HACL1: variants seen among roughly 807,000 people sequenced by gnomAD.
HACL1 encodes the protein 1600020H07Rik.
A neutral mutation model predicts 74.2 loss-of-function variants in HACL1; 64 were observed. That is an observed-to-expected ratio of 0.86 (90% CI 0.70 to 1.06). The LOEUF (loss-of-function observed/expected upper bound fraction) is 1.06. HACL1 is among the 50% of genes least tolerant of loss of function. The probability of loss-of-function intolerance (pLI) is 0.00; values close to 1 mark genes in which losing one functional copy is unlikely to be tolerated. For synonymous variants in HACL1, 230 were observed against 238.8 expected, an observed-to-expected ratio of 0.96 and a Z score of 0.34; for missense variants, 728 against 719.7, an observed-to-expected ratio of 1.01 and a Z score of -0.13.
chr3:15,599,565 C>G (rs1034708301), intron 2 of HACL1, among the ~76,000 whole-genome samples: 1 of 152,002 alleles, frequency 6.6e-6, no homozygotes, highest in Admixed American at 6.5e-5. Flanking sequence ...TCCCCTCAAC[C>G]TACCTACCAG....
Position 15,600,969 on chromosome 3 carries a change from G to T in HACL1, c.186+121C>A, listed in dbSNP as rs570294788. The T allele has an allele frequency of 1.3e-4, 88 of 679,816 alleles. 1 individual carries two copies. In the South Asian group the frequency reaches 1.4e-3, roughly 11 times the overall value. 42.1% of individuals were successfully genotyped at this position (679,816 alleles called of 1,614,324 possible). Reference sequence around the variant, plus strand: ...CAACAGTTAATATTCAACAGTGATTGATATGATATATGTAAAGTAGCAGAA... The same window carrying T: ...CAACAGTTAATATTCAACAGTGATTTATATGATATATGTAAAGTAGCAGAA... On this transcript the variant is annotated intron_variant, in intron 2 of 16. Coordinates refer to ENST00000321169, the MANE Select transcript of HACL1 (RefSeq NM_012260.4).
At chr3:15,598,643 A>G (rs1031064558) in intron 2 of HACL1, among the ~76,000 whole-genome samples, 3 of 152,222 alleles carry the variant, frequency 2.0e-5, no homozygotes, top group African/African-American at 7.2e-5. Flanking sequence ...TTGCTGGCCA[A>G]TTGGTCAGTA....
intron 13 of HACL1, 47 bp from the exon 14 acceptor site, chr3:15,568,049 G>C: frequency 1.3e-6 from 2 of 1,558,224 alleles, no homozygotes; most frequent in Middle Eastern, 3.4e-4. Flanking sequence ...GCATGTCATA[G>C]AGGATGGGAT....
At position 15,571,733 on chromosome 3, in the gene HACL1, G is replaced by A; in HGVS notation, c.1030C>T (p.Pro344Ser). The change falls in exon 12 of 17, where the codon CCT (proline) becomes TCT (serine). Residue 344 changes from proline (P) to serine (S), a missense_variant. By Grantham distance (74) the Pro-to-Ser change is moderately conservative (BLOSUM62 -1). Coordinates refer to ENST00000321169, the MANE Select transcript of HACL1 (RefSeq NM_012260.4). ...GTTTTCCACCACTTGCTCTCTGGAGGATACTGCCATGGTGTTTTATCAAGT... is the reference window on the plus strand; with the variant it reads ...GTTTTCCACCACTTGCTCTCTGGAGAATACTGCCATGGTGTTTTATCAAGT... Reference protein sequence around the residue: ...EELDKTPWQYPPESKWWKTLR... With the variant: ...EELDKTPWQYSPESKWWKTLR... 6.7e-7 allele frequency: 1 copy of A among 1,502,412 alleles called. No individual in the cohort carries two copies. The highest frequency in any genetic ancestry group is 9.2e-7 in the Non-Finnish European group (1 of 1,089,642). The allele number at this position is 1,502,412 out of a possible 1,614,324, so 93.1% of individuals were successfully genotyped here.
intron 8 of HACL1, 66 bp downstream of exon 8, chr3:15,582,811 G>A (rs1037808164): frequency 1.3e-6 from 1 of 762,282 alleles, no homozygotes; most frequent in African/African-American, 1.8e-5. Context: ...AATAAACAAT[G>A]AAAGTTTGTA....
In HACL1 at chr3:15,563,469, A is replaced by C; in HGVS notation, c.1593T>G (p.Phe531Leu). The change falls in exon 16 of 17, where the codon TTT becomes TTG. Residue 531 changes from phenylalanine to leucine, a missense_variant. Phe to Leu is a conservative substitution (Grantham distance 22). Transcript: ENST00000321169. Reference protein sequence around the residue: ...VMTAFGGKGYFVQTPEELQKS... With the variant: ...VMTAFGGKGYLVQTPEELQKS... ...TTTGGAGTTCTTCTGGTGTTTGTAC[A>C]AAATACCCTTTGCCTCCAAATGCAG... 6.2e-7 allele frequency: 1 copy of C among 1,611,016 alleles called. No individual in the cohort carries two copies. Among genetic ancestry groups the C allele is most frequent in the Non-Finnish European group, 8.5e-7 (1 of 1,177,158 alleles).
In HACL1 at chr3:15,572,666, T is replaced by C. The variant is rs142909252; in HGVS notation, c.993+493A>G. On this transcript the variant is annotated intron_variant, in intron 11 of 16. Coordinates refer to ENST00000321169, the MANE Select transcript of HACL1 (RefSeq NM_012260.4). ...AAATCAAGTGATAAATGTGACTATA[T>C]TTTATCTCCTGTCACAGTGAAATGT... 3.8e-4 allele frequency among the ~76,000 whole-genome samples: 58 copies of C among 152,372 alleles called. 1 individual carries two copies. The highest frequency in any genetic ancestry group is 1.3e-3 in the African/African-American group (52 of 41,584).
intron 14 of HACL1, among the ~76,000 whole-genome samples, chr3:15,566,681 C>T (rs1273634568): frequency 2.6e-5 from 4 of 151,572 alleles, no homozygotes; most frequent in Admixed American, 6.6e-5. Flanking sequence ...CTTGGATTAC[C>T]TCATTTGTTT....
chr3:15,593,760 T>C (rs868757578), intron 3 of HACL1, among the ~76,000 whole-genome samples: 19 of 151,664 alleles, frequency 1.3e-4, no homozygotes, highest in Non-Finnish European at 2.1e-4. Context: ...CTGAATGCAG[T>C]GCTCTGCCCA....
intron 9 of HACL1, among the ~76,000 whole-genome samples, chr3:15,578,351 A>G (rs1328251394): frequency 6.6e-6 from 1 of 152,148 alleles, no homozygotes; most frequent in Non-Finnish European, 1.5e-5. Flanking sequence ...AATTAAAAAG[A>G]AAAAAGTTAT....
At chr3:15,582,335 G>A (rs2063727921) in intron 8 of HACL1, among the ~76,000 whole-genome samples, 1 of 152,078 alleles carries the variant, frequency 6.6e-6, no homozygotes, top group Non-Finnish European at 1.5e-5. Flanking sequence ...AAAAGCTTTA[G>A]GCACAAACAT....
intron 10 of HACL1, among the ~76,000 whole-genome samples, chr3:15,574,138 G>A (rs999301104): frequency 1.4e-4 from 21 of 152,206 alleles, no homozygotes; most frequent in Admixed American, 5.9e-4. Flanking sequence ...GCTGAGGTAG[G>A]AGAATTGCTT....
chr3:15,577,903 CCTGG>C (rs769381260), intron 9 of HACL1, among the ~76,000 whole-genome samples: 4 of 151,930 alleles, frequency 2.6e-5, no homozygotes, highest in Non-Finnish European at 5.9e-5. Flanking sequence ...TGGAGACCAT[CCTGG>C]CTAACACAGT....
At chr3:15,583,785 G>A (rs1019395483) in intron 7 of HACL1, among the ~76,000 whole-genome samples, 1 of 151,958 alleles carries the variant, frequency 6.6e-6, no homozygotes, top group African/African-American at 2.4e-5. Flanking sequence ...AGCCTCCTGA[G>A]TAGCTGGGAC....
At chr3:15,569,801 C>T (rs1256089997) in intron 12 of HACL1, among the ~76,000 whole-genome samples, 1 of 144,936 alleles carries the variant, frequency 6.9e-6, no homozygotes, top group East Asian at 2.0e-4. Context: ...GCCTGGGCAA[C>T]AAAAGCAAGA....
rs754323050 is a variant in HACL1 at position 15,568,510 on chromosome 3, T to A, written c.1172A>T (p.Asp391Val). Residue 391 changes from aspartate to valine, a missense_variant, in exon 13 of 17, where the codon GAC becomes GTC. Physicochemically the swap from Asp to Val is radical, Grantham distance 152. Transcript: ENST00000321169. ...FYHVQEQLPR[D>V]CFVVSEGANT... is the part of the protein sequence containing the mutation. ...TGCTCCTTCACTTACCACGAAACAG[T>A]CTCTAGGTAGTTGTTCTTGAACATG... 4 of 1,596,454 alleles carry A rather than the reference T, an allele frequency of 2.5e-6. No homozygotes were observed. The African/African-American group carries it at 4.0e-5, about 16-fold the overall frequency.
chr3:15,594,354 C>T (rs182029242), intron 3 of HACL1, among the ~76,000 whole-genome samples: 2 of 152,006 alleles, frequency 1.3e-5, no homozygotes, highest in African/African-American at 2.4e-5. Context: ...TGCAGTGAGC[C>T]GAGATGGTGC....
chr3:15,568,960 AAG>A (rs2063478979), intron 12 of HACL1, among the ~76,000 whole-genome samples: 4 of 152,364 alleles, frequency 2.6e-5, no homozygotes, highest in Middle Eastern at 6.8e-3. Context: ...GCCTTAGAAA[AAG>A]TGAAATTTAT....
chr3:15,593,289 C>T (rs998891809), intron 3 of HACL1, among the ~76,000 whole-genome samples: 9 of 151,856 alleles, frequency 5.9e-5, no homozygotes, highest in Non-Finnish European at 1.2e-4. Flanking sequence ...TCAGGGCTCA[C>T]TGCAGCCTCA....
Sources: allele counts gnomAD v4.1 joint callset (sites outside exome capture counted in the v4.1 genomes callset), GRCh38; gene constraint gnomAD v4.1.1; transcripts MANE v1.5; gene names NCBI Gene and HGNC (gene_info 2026-07-23, HGNC 2026-07-21).